BPIFB2: variants seen among roughly 807,000 people sequenced by gnomAD.
BPIFB2 encodes the protein BPI fold containing family B member 2.
Under a neutral mutation model 50.1 loss-of-function variants are expected in BPIFB2, and 39 were observed. That is an observed-to-expected ratio of 0.78 (90% CI 0.60 to 1.02). The LOEUF is 1.02. BPIFB2 is among the 50% of genes least tolerant of loss of function. The pLI is 0.00. For missense variants in BPIFB2, 574 were observed against 585.8 expected, an observed-to-expected ratio of 0.98 and a Z score of 0.21; for synonymous variants, 280 against 256.3, an observed-to-expected ratio of 1.09 and a Z score of -0.88.
chr20:33,014,409 G>A (rs1990330589), intron 5 of BPIFB2, among the ~76,000 whole-genome samples: 2 of 152,332 alleles, frequency 1.3e-5, no homozygotes, highest in Non-Finnish European at 2.9e-5. Context: ...GCACTTATGT[G>A]TGCTGAGCAT....
At chr20:33,019,772 G>A (rs373591955) in intron 11 of BPIFB2, 22 bp downstream of exon 11, 31 of 1,559,948 alleles carry the variant, frequency 2.0e-5, no homozygotes, top group African/African-American at 4.1e-5. Context: ...GGGGCTGGTC[G>A]GAAGGCAGGC....
chr20:33,016,346 T>C (rs1978429760), intron 6 of BPIFB2, among the ~76,000 whole-genome samples: 1 of 152,118 alleles, frequency 6.6e-6, no homozygotes, highest in South Asian at 2.1e-4. Flanking sequence ...TGGTCCAGCC[T>C]CTTCCTCTCC....
chr20:33,023,340 A>G lies in BPIFB2; in HGVS notation c.1336-2A>G. 2 of 1,613,754 alleles carry G rather than the reference A, an allele frequency of 1.2e-6. No homozygotes were observed. Among genetic ancestry groups the G allele is most frequent in the Non-Finnish European group, 1.7e-6 (2 of 1,179,794 alleles). On this transcript the variant is annotated splice_acceptor_variant, in intron 15 of 15. Transcript: ENST00000170150. LOFTEE classifies it high-confidence loss of function. ...TGGTCCATGGTTTCCTTTGCCCTTCAGGGCTACGTGGTGATATCCAGTGGA... is the reference window on the plus strand; with the variant it reads ...TGGTCCATGGTTTCCTTTGCCCTTCGGGGCTACGTGGTGATATCCAGTGGA...
chr20:33,016,315 G>A (rs1978428395), intron 6 of BPIFB2, among the ~76,000 whole-genome samples: 1 of 152,146 alleles, frequency 6.6e-6, no homozygotes, highest in Admixed American at 6.5e-5. Context: ...ATGCCCAAGT[G>A]GACAGCTTAA....
At chr20:33,012,979 G>C (rs905855735) in intron 4 of BPIFB2, 72 bp downstream of exon 4, 25 of 1,332,484 alleles carry the variant, frequency 1.9e-5, no homozygotes, top group East Asian at 9.4e-5. Context: ...GAGGGGACGG[G>C]GGGTAGCAAC....
At chr20:33,010,551 A>G (rs987322977) in intron 2 of BPIFB2, among the ~76,000 whole-genome samples, 7 of 152,148 alleles carry the variant, frequency 4.6e-5, no homozygotes, top group African/African-American at 1.7e-4. Flanking sequence ...GTTTGAAACC[A>G]GGATCTGAGA....
intron 1 of BPIFB2, 28 bp downstream of exon 1, chr20:33,007,788 A>C (rs1398642825): frequency 1.3e-5 from 2 of 152,168 alleles, no homozygotes; most frequent in Non-Finnish European, 2.9e-5. Flanking sequence ...CTGGTACACC[A>C]CTTCCAAGGA....
intron 3 of BPIFB2, 27 bp from the exon 4 acceptor site, chr20:33,012,776 T>G (rs1990305658): frequency 6.4e-7 from 1 of 1,571,482 alleles, no homozygotes; most frequent in African/African-American, 1.4e-5. Flanking sequence ...TGGGGGCCAC[T>G]CTGTCACCTT....
intron 14 of BPIFB2, 73 bp from the exon 15 acceptor site, chr20:33,021,650 T>G: frequency 6.9e-7 from 1 of 1,440,122 alleles, no homozygotes; most frequent in South Asian, 1.1e-5. Flanking sequence ...GAGGACTCAG[T>G]GCTGTGATGC....
chr20:33,010,953 G>A (rs1990277213), intron 2 of BPIFB2, 71 bp from the exon 3 acceptor site: 4 of 1,307,346 alleles, frequency 3.1e-6, no homozygotes, highest in Non-Finnish European at 4.4e-6. Flanking sequence ...AGGGTAGATG[G>A]CAGGCAGTGT....
chr20:33,012,791 AC>A lies in BPIFB2; in HGVS notation c.204-11del, dbSNP rs1218035153. ...TGGGGGCCACTCTGTCACCTTGATTACTACCCTGCAGGATCCGGATTCTGAA... is the reference window on the plus strand; with the variant it reads ...TGGGGGCCACTCTGTCACCTTGATTATACCCTGCAGGATCCGGATTCTGAA... On this transcript the variant is annotated splice_polypyrimidine_tract_variant and intron_variant, in intron 3 of 15. Transcript: ENST00000170150. 2 of 1,603,718 alleles carry A rather than the reference AC, an allele frequency of 1.2e-6. No individual in the cohort carries two copies. The highest frequency in any genetic ancestry group is 2.2e-5 in the South Asian group (2 of 90,854).
chr20:33,011,778 A>G (rs1001057740), intron 3 of BPIFB2, among the ~76,000 whole-genome samples: 4 of 152,214 alleles, frequency 2.6e-5, no homozygotes, highest in African/African-American at 9.7e-5. Flanking sequence ...CAGGAGTTCA[A>G]GACCAGCCTG....
chr20:33,020,229 C>T, intron 11 of BPIFB2, 99 bp from the exon 12 acceptor site: 3 of 1,203,090 alleles, frequency 2.5e-6, no homozygotes, highest in Non-Finnish European at 3.6e-6. Context: ...CCACAGACAC[C>T]TGCTGCCTGA....
intron 5 of BPIFB2, among the ~76,000 whole-genome samples, 174 bp downstream of exon 5, chr20:33,014,130 T>A (rs925630060): frequency 6.6e-6 from 1 of 152,332 alleles, no homozygotes; most frequent in African/African-American, 2.4e-5. Flanking sequence ...GGGAGAGGCA[T>A]GCCTGAGGTC....
chr20:33,018,209 G>A (rs758396647), intron 7 of BPIFB2, 50 bp from the exon 8 acceptor site: 6 of 1,345,440 alleles, frequency 4.5e-6, no homozygotes, highest in Non-Finnish European at 6.3e-6. Flanking sequence ...AAACGTTGGT[G>A]AGCAGTGCTA....
chr20:33,018,925 T>C, intron 9 of BPIFB2, 103 bp downstream of exon 9: 1 of 1,566,114 alleles, frequency 6.4e-7, no homozygotes. Flanking sequence ...GTGGGGCCGC[T>C]GAAGCTGGCG....
In BPIFB2 at chr20:33,020,246, CG is replaced by C. The variant is rs1978609942; in HGVS notation, c.1081-77del. On this transcript the variant is annotated intron_variant, in intron 11 of 15. Transcript: ENST00000170150. ...ACAGACACCTGCTGCCTGAATGAGT[CG>C]GGGGATGGGTGGGAGGCTGGGTGGC... 3 of 1,364,324 alleles carry C rather than the reference CG, an allele frequency of 2.2e-6. No individual in the cohort carries two copies. In the Admixed American group the frequency reaches 5.2e-5, roughly 24 times the overall value. The allele number at this position is 1,364,324 out of a possible 1,614,324, so 84.5% of individuals were successfully genotyped here.
intron 6 of BPIFB2, among the ~76,000 whole-genome samples, chr20:33,016,442 C>T (rs1314673028): frequency 6.6e-6 from 1 of 152,210 alleles, no homozygotes; most frequent in African/African-American, 2.4e-5. Flanking sequence ...CCCACCCTCT[C>T]CTCTTCCTCT....
Position 33,023,565 on chromosome 20 carries a change from T to G in BPIFB2, c.*182T>G, listed in dbSNP as rs1978762353. The G allele has an allele frequency of 1.5e-6, 1 of 671,150 alleles. No individual in the cohort carries two copies. Among genetic ancestry groups the G allele is most frequent in the African/African-American group, 1.8e-5 (1 of 56,180 alleles). 41.6% of individuals were successfully genotyped at this position (671,150 alleles called of 1,614,324 possible). ...GTCTCCCTCCCTCACTTCTGCCCTT[T>G]CCCTTCCTCCTCCTCTTCTCCTCCC... On this transcript the variant is annotated 3_prime_UTR_variant, in exon 16 of 16. Coordinates refer to ENST00000170150, the MANE Select transcript of BPIFB2 (RefSeq NM_025227.3).
Sources: allele counts gnomAD v4.1 joint callset (sites outside exome capture counted in the v4.1 genomes callset), GRCh38; gene constraint gnomAD v4.1.1; transcripts MANE v1.5; gene names NCBI Gene and HGNC (gene_info 2026-07-23, HGNC 2026-07-21).